The following CCNC variants were observed in gnomAD, a reference collection of about 807,000 sequenced individuals.
CCNC encodes the protein cyclin C.
In CCNC, 19 loss-of-function variants were observed where a neutral mutation model predicts 50.0. The observed-to-expected ratio is 0.38, with a 90% confidence interval of 0.27 to 0.56. The LOEUF is 0.56. Ranked by LOEUF, CCNC falls within the 20% of genes least tolerant of loss-of-function variation. The pLI is 0.72. For missense variants in CCNC, 200 were observed against 327.1 expected (o/e 0.61, Z 3.00); for synonymous variants, 93 against 103.7 (o/e 0.90, Z 0.63).
chr6:99,556,605 T>G (rs570868579), intron 5 of CCNC, among the ~76,000 whole-genome samples: 7 of 151,850 alleles, frequency 4.6e-5, no homozygotes, highest in African/African-American at 1.7e-4. Context: ...AGATTTACCT[T>G]CCTAATGCAC....
At chr6:99,544,968 C>A in intron 11 of CCNC, 144 bp downstream of exon 11, 1 of 566,234 alleles carries the variant, frequency 1.8e-6, no homozygotes, top group Non-Finnish European at 3.1e-6. Flanking sequence ...TCAATCAAAT[C>A]ACAAATTTAA....
Position 99,558,196 on chromosome 6 carries a change from T to C in CCNC, c.346+301A>G, listed in dbSNP as rs116940853. The C allele has an allele frequency of 1.1e-3, 416 of 391,252 alleles. 5 individuals are homozygous for C. In the East Asian group the frequency reaches 0.016, roughly 15 times the overall value. The allele number at this position is 391,252 out of a possible 1,614,324, so 24.2% of individuals were successfully genotyped here. A position where few individuals can be genotyped will look rare whatever the true frequency, so the allele number is the denominator to read the frequency against. On this transcript the variant is annotated intron_variant, in intron 5 of 11. Coordinates refer to ENST00000520429, the MANE Select transcript of CCNC (RefSeq NM_005190.4). ...GTCATTAGAAAACAATAAAATACAATAAAATTCGGAAACAGAATTTTTTCT... is the reference window on the plus strand; with the variant it reads ...GTCATTAGAAAACAATAAAATACAACAAAATTCGGAAACAGAATTTTTTCT...
At chr6:99,565,206 A>T (rs546229590) in intron 1 of CCNC, among the ~76,000 whole-genome samples, 1 of 152,216 alleles carries the variant, frequency 6.6e-6, no homozygotes, top group African/African-American at 2.4e-5. Flanking sequence ...GTCCTAAAAA[A>T]GAATATCCAT....
intron 4 of CCNC, among the ~76,000 whole-genome samples, chr6:99,560,015 C>T (rs573490058): frequency 1.3e-5 from 2 of 152,110 alleles, no homozygotes; most frequent in South Asian, 2.1e-4. Context: ...CCACTACACC[C>T]GGCCTAGGAA....
chr6:99,547,175 TCC>T (rs1802102795), intron 9 of CCNC, among the ~76,000 whole-genome samples: 1 of 152,190 alleles, frequency 6.6e-6, no homozygotes, highest in African/African-American at 2.4e-5. Flanking sequence ...TAAGTTATAC[TCC>T]GTGGTCTGGT....
intron 10 of CCNC, 132 bp downstream of exon 10, chr6:99,546,263 G>T: frequency 1.6e-6 from 1 of 640,030 alleles, no homozygotes; most frequent in East Asian, 2.8e-5. Context: ...ACCATGCCCA[G>T]CCCATGTTTC....
chr6:99,568,238 C>T lies in CCNC; in HGVS notation c.32+258G>A, dbSNP rs181516909. ...TAAACCAAGAATCCGAAATTAAACTCCGAAACGTTCCTTCCCGGGAGACGA... is the reference window on the plus strand; with the variant it reads ...TAAACCAAGAATCCGAAATTAAACTTCGAAACGTTCCTTCCCGGGAGACGA... On this transcript the variant is annotated intron_variant, in intron 1 of 11. Transcript: ENST00000520429. 1,019 of 548,574 alleles carry T rather than the reference C, an allele frequency of 1.9e-3. 9 individuals are homozygous for T. Among genetic ancestry groups the T allele is most frequent in the South Asian group, 2.7e-3 (126 of 46,436 alleles). The allele number at this position is 548,574 out of a possible 1,614,324, so 34.0% of individuals were successfully genotyped here.
chr6:99,543,670 A>T, intron 11 of CCNC, 61 bp from the exon 12 acceptor site: 1 of 1,599,784 alleles, frequency 6.3e-7, no homozygotes. Flanking sequence ...TTACACCCTG[A>T]TAAGCCTACT....
intron 5 of CCNC, among the ~76,000 whole-genome samples, chr6:99,553,764 C>A (rs1461992857): frequency 6.6e-6 from 1 of 152,134 alleles, no homozygotes. Flanking sequence ...TTCCCAGCCT[C>A]CAGAACTGTG....
chr6:99,550,806 T>C (rs1802261771), intron 7 of CCNC, 187 bp downstream of exon 7: 2 of 304,334 alleles, frequency 6.6e-6, no homozygotes, highest in Non-Finnish European at 1.2e-5. Context: ...AAGTAGGATA[T>C]ACAAATTATT....
intron 1 of CCNC, chr6:99,568,283 C>T: frequency 1.7e-6 from 1 of 588,846 alleles, no homozygotes; most frequent in East Asian, 2.8e-5. Context: ...CCACCCCTCC[C>T]CCTCACAGAT....
chr6:99,554,141 C>G (rs545878945), intron 5 of CCNC, among the ~76,000 whole-genome samples: 5 of 151,628 alleles, frequency 3.3e-5, no homozygotes, highest in Non-Finnish European at 7.4e-5. Context: ...TCAAATGCCC[C>G]TCTACTGGAA....
At chr6:99,552,570 C>T (rs980418554) in intron 5 of CCNC, among the ~76,000 whole-genome samples, 4 of 152,074 alleles carry the variant, frequency 2.6e-5, no homozygotes, top group Non-Finnish European at 5.9e-5. Context: ...TGTTAACCAT[C>T]AATCCCCCAT....
Position 99,561,677 on chromosome 6 carries a change from G to C in CCNC, c.144C>G (p.Ile48Met), listed in dbSNP as rs764780094. The C allele has an allele frequency of 6.3e-7, 1 of 1,593,582 alleles. No individual in the cohort carries two copies. Among genetic ancestry groups the C allele is most frequent in the Admixed American group, 1.7e-5 (1 of 59,784 alleles). ...ATTTAAGATGTTCACCTAATGCTTGGATAACTAAAAGGCAAATAATGAAAT... is the reference window on the plus strand; with the variant it reads ...ATTTAAGATGTTCACCTAATGCTTGCATAACTAAAAGGCAAATAATGAAAT... The part of the protein sequence containing the change: ...WKLQIFFTNV[I>M]QALGEHLKLR... The change falls in exon 3 of 12, where the codon ATC becomes ATG. Residue 48 changes from isoleucine (I) to methionine (M), a missense_variant. By Grantham distance (10) the Ile-to-Met change is conservative. Transcript: ENST00000520429.
intron 5 of CCNC, among the ~76,000 whole-genome samples, chr6:99,552,826 T>C (rs1291637496): frequency 6.6e-6 from 1 of 152,174 alleles, no homozygotes; most frequent in Non-Finnish European, 1.5e-5. Flanking sequence ...GTGGATCACC[T>C]GAGGTCAGGA....
chr6:99,551,105 T>C (rs1802279630), intron 6 of CCNC, 77 bp from the exon 7 acceptor site: 1 of 744,110 alleles, frequency 1.3e-6, no homozygotes, highest in South Asian at 4.2e-5. Flanking sequence ...TAACATAAAT[T>C]ACAGACATTA....
In CCNC at chr6:99,542,829, T is replaced by G. The variant is rs1208769514; in HGVS notation, c.*726A>C. 2.6e-5 allele frequency: 4 copies of G among 152,572 alleles called. No homozygotes were observed. Among genetic ancestry groups the G allele is most frequent in the Non-Finnish European group, 4.4e-5 (3 of 67,986 alleles). 9.5% of individuals were successfully genotyped at this position (152,572 alleles called of 1,614,324 possible). ...TTATGGTTTTTGAATCCAATTAAGC[T>G]TTCAAAATGCCTGATTAGCTGTGAA... On this transcript the variant is annotated 3_prime_UTR_variant, in exon 12 of 12. Coordinates refer to ENST00000520429, the MANE Select transcript of CCNC (RefSeq NM_005190.4).
rs1460886793 is a variant in CCNC at position 99,561,352 on chromosome 6, A to G, written c.294+15T>C. 6.4e-7 allele frequency: 1 copy of G among 1,566,284 alleles called. No homozygotes were observed. The highest frequency in any genetic ancestry group is 1.4e-5 in the African/African-American group (1 of 73,808). On this transcript the variant is annotated intron_variant, in intron 4 of 11. Coordinates refer to ENST00000520429, the MANE Select transcript of CCNC (RefSeq NM_005190.4). ...TTGACTACACTTTGATGAAGAACAG[A>G]AAATTGTTTTATACCTCTACTTTGG...
intron 1 of CCNC, among the ~76,000 whole-genome samples, chr6:99,563,395 C>T (rs1250035169): frequency 6.6e-6 from 1 of 152,182 alleles, no homozygotes; most frequent in African/African-American, 2.4e-5. Context: ...CCTTACTTCA[C>T]AAATCTAATT....
Sources: gnomAD v4.1 joint callset for allele counts (sites outside exome capture counted in the v4.1 genomes callset) on GRCh38, gnomAD v4.1.1 for gene constraint, MANE v1.5 for transcripts, NCBI Gene and HGNC (gene_info 2026-07-23, HGNC 2026-07-21) for gene names.